AHI1: variants seen among roughly 807,000 people sequenced by gnomAD.
AHI1 encodes jouberin.
Under a neutral mutation model 149.3 loss-of-function variants are expected in AHI1, and 123 were observed. The observed-to-expected ratio is 0.82, with a 90% CI of 0.71 to 0.96. The LOEUF (loss-of-function observed/expected upper bound fraction) is 0.96, where lower values mean the gene tolerates loss of function less well. Ranked by LOEUF, AHI1 falls within the 40% of genes least tolerant of loss-of-function variation. AHI1 has a pLI of 0.00. For synonymous variants in AHI1, 475 were observed against 459.8 expected, an observed-to-expected ratio of 1.03 and a Z score of -0.42; for missense variants, 1,439 against 1,422.7, an observed-to-expected ratio of 1.01 and a Z score of -0.18.
At chr6:135,490,791 T>G (rs1469296323) in intron 4 of AHI1, 44 bp from the exon 5 acceptor site, 1 of 1,605,094 alleles carries the variant, frequency 6.2e-7, no homozygotes, top group African/African-American at 1.3e-5. Flanking sequence ...GACTCTATCA[T>G]AACACACAAC....
intron 24 of AHI1, among the ~76,000 whole-genome samples, chr6:135,337,319 G>A (rs775528885): frequency 1.7e-4 from 26 of 152,138 alleles, no homozygotes; most frequent in Non-Finnish European, 2.8e-4. Flanking sequence ...GACCAAGGTG[G>A]CAGCATACAT....
intron 5 of AHI1, among the ~76,000 whole-genome samples, chr6:135,480,905 G>A (rs949105878): frequency 2.0e-5 from 3 of 152,174 alleles, no homozygotes; most frequent in Non-Finnish European, 4.4e-5. Flanking sequence ...AGAGACCTAG[G>A]TTGCACGTTC....
At chr6:135,362,213 G>A (rs540565967) in intron 23 of AHI1, among the ~76,000 whole-genome samples, 7 of 152,140 alleles carry the variant, frequency 4.6e-5, no homozygotes, top group African/African-American at 1.2e-4. Context: ...GGATGGTTCC[G>A]TATTTTTGCA....
chr6:135,339,582 G>A (rs1335615208), intron 24 of AHI1, among the ~76,000 whole-genome samples: 1 of 152,110 alleles, frequency 6.6e-6, no homozygotes, highest in Admixed American at 6.5e-5. Context: ...GTATAAACTG[G>A]CAGAAGAATC....
At chr6:135,408,334 C>A (rs904424764) in intron 21 of AHI1, among the ~76,000 whole-genome samples, 10 of 151,992 alleles carry the variant, frequency 6.6e-5, no homozygotes, top group Admixed American at 3.3e-4. Flanking sequence ...AAATATGTTT[C>A]TCTTCATCTT....
At chr6:135,386,815 G>GA (rs929308111) in intron 23 of AHI1, among the ~76,000 whole-genome samples, 1 of 151,978 alleles carries the variant, frequency 6.6e-6, no homozygotes, top group Non-Finnish European at 1.5e-5. Context: ...AATTTTAGTA[G>GA]AGACAGGGTT....
At chr6:135,301,177 G>T in intron 26 of AHI1, 1 of 982,202 alleles carries the variant, frequency 1.0e-6, no homozygotes, top group African/African-American at 1.7e-5. Flanking sequence ...AGTTTGATAT[G>T]ATATATAATC....
Position 135,492,231 on chromosome 6 carries a change from T to G in AHI1, c.7A>C (p.Thr3Pro). The change falls in exon 4 of 29, where the codon ACA becomes CCA. Residue 3 changes from threonine to proline, a missense_variant. Physicochemically the swap from Thr to Pro is conservative, Grantham distance 38. Transcript: ENST00000265602. The part of the protein sequence containing the change: MP[T>P]AESEAKVKTK... ...ATAAATTTCATAGAAGTCTTACCTG[T>G]AGGCATCTCTCAGCTTTATGCAGAG... The G allele has an allele frequency of 2.6e-6, 4 of 1,535,016 alleles. No individual in the cohort carries two copies. Among genetic ancestry groups the G allele is most frequent in the Non-Finnish European group, 3.5e-6 (4 of 1,137,962 alleles).
chr6:135,402,915 T>G lies in AHI1; in HGVS notation c.2988+2036A>C, dbSNP rs1038210527. On this transcript the variant is annotated intron_variant, in intron 22 of 28. Transcript: ENST00000265602. ...CTTATTTTTTTGGGGAGTCAAAAGT[T>G]ATACATTAATTTTTGACTGCACAGG... 2.0e-5 allele frequency among the ~76,000 whole-genome samples: 3 copies of G among 152,170 alleles called. No individual in the cohort carries two copies. The South Asian group carries it at 6.2e-4, about 31-fold the overall frequency.
chr6:135,406,481 G>A (rs2128501609), intron 21 of AHI1, among the ~76,000 whole-genome samples: 1 of 152,174 alleles, frequency 6.6e-6, no homozygotes, highest in East Asian at 1.9e-4. Flanking sequence ...TCTGGAAAAT[G>A]GGAATAATAC....
chr6:135,314,395 C>G (rs1346051145), intron 26 of AHI1, among the ~76,000 whole-genome samples: 1 of 152,216 alleles, frequency 6.6e-6, no homozygotes, highest in Non-Finnish European at 1.5e-5. Flanking sequence ...AACTTTCCAG[C>G]TTCCAGAAGT....
chr6:135,316,839 C>A (rs1217956215), intron 26 of AHI1, among the ~76,000 whole-genome samples: 1 of 152,164 alleles, frequency 6.6e-6, no homozygotes, highest in Non-Finnish European at 1.5e-5. Context: ...GTGAATATTT[C>A]TATCTGGGAG....
At chr6:135,308,619 T>C (rs948874620) in intron 26 of AHI1, among the ~76,000 whole-genome samples, 3 of 152,244 alleles carry the variant, frequency 2.0e-5, no homozygotes, top group African/African-American at 7.2e-5. Context: ...TAGTATTCTC[T>C]AAACTAAGTT....
At chr6:135,360,397 T>C (rs1793676566) in intron 23 of AHI1, among the ~76,000 whole-genome samples, 1 of 152,176 alleles carries the variant, frequency 6.6e-6, no homozygotes, top group South Asian at 2.1e-4. Flanking sequence ...TCCAATCAGA[T>C]GAAGGCCTTA....
chr6:135,418,714 C>T (rs1038907161), intron 20 of AHI1, among the ~76,000 whole-genome samples: 1 of 151,970 alleles, frequency 6.6e-6, no homozygotes, highest in Non-Finnish European at 1.5e-5. Flanking sequence ...CAATAAGGTT[C>T]CCCTTTGGTT....
chr6:135,457,344 T>C, intron 9 of AHI1, 150 bp downstream of exon 9: 2 of 616,718 alleles, frequency 3.2e-6, no homozygotes, highest in South Asian at 4.1e-5. Flanking sequence ...CTGATCAATG[T>C]TAATGACTGA....
chr6:135,436,702 A>G (rs534282403), intron 15 of AHI1, among the ~76,000 whole-genome samples: 35 of 152,272 alleles, frequency 2.3e-4, no homozygotes, highest in Non-Finnish European at 5.0e-4. Context: ...TCCCAGTTCA[A>G]GTGATTCTCT....
intron 20 of AHI1, among the ~76,000 whole-genome samples, chr6:135,418,542 C>A (rs1266600981): frequency 1.3e-5 from 2 of 152,030 alleles, no homozygotes; most frequent in Non-Finnish European, 2.9e-5. Context: ...TTTATCTTTA[C>A]AGGAGGAAGG....
intron 28 of AHI1, among the ~76,000 whole-genome samples, chr6:135,287,194 G>C (rs1781790932): frequency 6.6e-6 from 1 of 152,182 alleles, no homozygotes; most frequent in East Asian, 1.9e-4. Context: ...ACGTGCAGAA[G>C]ATGTAGGACA....
Sources: allele counts gnomAD v4.1 joint callset (sites outside exome capture counted in the v4.1 genomes callset), GRCh38; gene constraint gnomAD v4.1.1; transcripts MANE v1.5; gene names NCBI Gene and HGNC (gene_info 2026-07-23, HGNC 2026-07-21).